ANKFN1: variants seen among roughly 807,000 people sequenced by gnomAD.
ANKFN1 encodes ankyrin repeat and fibronectin type-III domain-containing protein 1.
Under a neutral mutation model 108.7 loss-of-function variants are expected in ANKFN1, and 74 were observed. The observed-to-expected ratio is 0.68, with a 90% CI of 0.56 to 0.83. ANKFN1 has a LOEUF of 0.83. Ranked by LOEUF, ANKFN1 falls within the 40% of genes least tolerant of loss-of-function variation. The pLI, the probability that ANKFN1 is intolerant of heterozygous loss-of-function variation, is 0.00. For synonymous variants in ANKFN1, 547 were observed against 516.2 expected, an observed-to-expected ratio of 1.06 and a Z score of -0.81; for missense variants, 1,505 against 1,382.3, an observed-to-expected ratio of 1.09 and a Z score of -1.41.
intron 4 of ANKFN1, among the ~76,000 whole-genome samples, chr17:56,338,923 A>G (rs1354311374): frequency 1.3e-5 from 2 of 152,032 alleles, no homozygotes; most frequent in African/African-American, 4.8e-5. Flanking sequence ...TGAAAGGGAT[A>G]CCCCACAGAT....
intron 3 of ANKFN1, among the ~76,000 whole-genome samples, chr17:56,240,406 C>T (rs1007587060): frequency 9.2e-5 from 14 of 152,120 alleles, no homozygotes; most frequent in African/African-American, 3.1e-4. Flanking sequence ...TATTCCATTG[C>T]ATGAATATAT....
In ANKFN1 at chr17:56,511,915, G is replaced by A. The variant is rs1043681852; in HGVS notation, c.*646G>A. Among the ~76,000 whole-genome samples, 2 of 152,086 alleles carry A rather than the reference G, an allele frequency of 1.3e-5. No individual in the cohort carries two copies. The highest frequency in any genetic ancestry group is 2.9e-5 in the Non-Finnish European group (2 of 68,030). ...CCTTTTTTTCTTCGTATAGTGCTGT[G>A]TGGAGACCACCAGAAACAAAAGTGG... On this transcript the variant is annotated 3_prime_UTR_variant, in exon 21 of 21. Coordinates refer to ENST00000682825, the MANE Select transcript of ANKFN1 (RefSeq NM_001370326.1).
At chr17:56,085,885 G>T (rs531071033) in intron 4 of ANKFN1, among the ~76,000 whole-genome samples, 3 of 151,242 alleles carry the variant, frequency 2.0e-5, no homozygotes, top group African/African-American at 7.3e-5. Flanking sequence ...AAATTGGATC[G>T]ATTAAATTCT....
chr17:56,463,908 C>T (rs1283186111), intron 14 of ANKFN1: 1 of 152,162 alleles, frequency 6.6e-6, no homozygotes, highest in Non-Finnish European at 1.5e-5. Flanking sequence ...AATATTGTGC[C>T]TCTGCCTAGG....
intron 8 of ANKFN1, among the ~76,000 whole-genome samples, chr17:56,404,901 G>A (rs1007616528): frequency 6.6e-6 from 1 of 152,214 alleles, no homozygotes; most frequent in African/African-American, 2.4e-5. Context: ...GGCTTCCTAT[G>A]AGTCGAACTG....
At chr17:56,481,001 G>A (rs570107956) in intron 17 of ANKFN1, among the ~76,000 whole-genome samples, 183 bp downstream of exon 17, 1 of 146,204 alleles carries the variant, frequency 6.8e-6, no homozygotes, top group African/African-American at 2.6e-5. Flanking sequence ...CACAGCCTGC[G>A]CTTCTGTTCC....
At chr17:56,243,169 A>G (rs1211717893) in intron 3 of ANKFN1, among the ~76,000 whole-genome samples, 1 of 151,800 alleles carries the variant, frequency 6.6e-6, no homozygotes, top group Admixed American at 6.6e-5. Context: ...TTTAGCATTG[A>G]ATTTCTTTGT....
At chr17:56,150,260 C>A (rs114770451), upstream of ANKFN1, among the ~76,000 whole-genome samples, 1 of 152,210 alleles carries the variant, frequency 6.6e-6, no homozygotes, top group Non-Finnish European at 1.5e-5. Context: ...TTGGAATCAA[C>A]ATGATTAAGT....
chr17:56,415,681 C>T (rs546851128), intron 8 of ANKFN1, among the ~76,000 whole-genome samples: 1 of 152,142 alleles, frequency 6.6e-6, no homozygotes, highest in South Asian at 2.1e-4. Context: ...ATCAAAATAC[C>T]AATGACATTC....
chr17:56,413,819 A>C (rs952602320), intron 8 of ANKFN1, among the ~76,000 whole-genome samples: 2 of 151,972 alleles, frequency 1.3e-5, no homozygotes, highest in Non-Finnish European at 2.9e-5. Flanking sequence ...TCCCGGGTTC[A>C]AGCGATTCTC....
At chr17:56,329,822 A>G (rs1358798729) in intron 4 of ANKFN1, among the ~76,000 whole-genome samples, 1 of 152,204 alleles carries the variant, frequency 6.6e-6, no homozygotes, top group Admixed American at 6.5e-5. Flanking sequence ...ATATTAGGTC[A>G]TAAGAACCCT....
At chr17:56,368,590 C>CT (rs1011046565) in intron 6 of ANKFN1, among the ~76,000 whole-genome samples, 6 of 149,554 alleles carry the variant, frequency 4.0e-5, no homozygotes, top group Admixed American at 6.7e-5. Flanking sequence ...GAAAATGGAC[C>CT]TTTTTTTTTA....
intron 11 of ANKFN1, among the ~76,000 whole-genome samples, chr17:56,456,045 G>A (rs377757402): frequency 2.6e-5 from 4 of 152,296 alleles, no homozygotes; most frequent in African/African-American, 9.6e-5. Context: ...GATGATATGG[G>A]TGGGGTTTTG....
At chr17:56,185,678 TG>T (rs1472984382) in intron 1 of ANKFN1, among the ~76,000 whole-genome samples, 1 of 152,168 alleles carries the variant, frequency 6.6e-6, no homozygotes, top group African/African-American at 2.4e-5. Flanking sequence ...CTTTAAGTTG[TG>T]GGAAAGAGAA....
At chr17:56,084,786 A>C (rs570105743) in intron 4 of ANKFN1, among the ~76,000 whole-genome samples, 11 of 151,314 alleles carry the variant, frequency 7.3e-5, no homozygotes, top group African/African-American at 2.7e-4. Flanking sequence ...AAAGCCTTCA[A>C]GTTGTAGAAT....
At position 56,079,186 on chromosome 17, in the gene ANKFN1, G is replaced by A. The variant is rs192239603; in HGVS notation, c.288+32861G>A. On this transcript the variant is annotated intron_variant, in intron 4 of 12. Transcript: ENST00000635860. ...GCCAAAAGGAAAGATAACTGCCCCC[G>A]AGGAGGCCTTTCATGCCACAAGGCA... Among the ~76,000 whole-genome samples, 272 of 152,320 alleles carry A rather than the reference G, an allele frequency of 1.8e-3. 3 individuals carry two copies. The highest frequency in any genetic ancestry group is 6.0e-3 in the African/African-American group (248 of 41,578).
chr17:56,302,370 A>G (rs902007730), intron 3 of ANKFN1, among the ~76,000 whole-genome samples: 4 of 152,016 alleles, frequency 2.6e-5, no homozygotes, highest in African/African-American at 9.7e-5. Flanking sequence ...ACAAAAAATT[A>G]AAAACTTAGC....
At chr17:56,083,488 A>G (rs1277438404) in intron 4 of ANKFN1, among the ~76,000 whole-genome samples, 2 of 151,480 alleles carry the variant, frequency 1.3e-5, no homozygotes, top group Non-Finnish European at 3.0e-5. Context: ...GAAGAAAGAG[A>G]GAGAGAGAAA....
chr17:56,289,984 G>T (rs1359213786), intron 3 of ANKFN1, among the ~76,000 whole-genome samples: 1 of 152,156 alleles, frequency 6.6e-6, no homozygotes, highest in African/African-American at 2.4e-5. Context: ...TAAGAAAACT[G>T]AGATTCACAC....
Sources: gnomAD v4.1 joint callset for allele counts (sites outside exome capture counted in the v4.1 genomes callset) on GRCh38, gnomAD v4.1.1 for gene constraint, MANE v1.5 for transcripts, NCBI Gene and HGNC (gene_info 2026-07-23, HGNC 2026-07-21) for gene names.